RALYL: variants seen among roughly 807,000 people sequenced by gnomAD.
The protein encoded by RALYL is RALY RNA binding protein like, also known as RNA-binding Raly-like protein.
A neutral mutation model predicts 35.1 loss-of-function variants in RALYL; 29 were observed. The ratio of observed to expected loss-of-function variants is 0.83; its 90% CI spans 0.61 to 1.13. RALYL has a LOEUF of 1.13. Ranked by LOEUF, RALYL falls within the 50% of genes most tolerant of loss-of-function variation. The pLI is 0.00. For synonymous variants in RALYL, 120 were observed against 127.6 expected (o/e 0.94, Z 0.40); for missense variants, 359 against 360.4 (o/e 1.00, Z 0.03).
Position 84,227,598 on chromosome 8 carries a change from T to A in RALYL, c.-24+43174T>A, listed in dbSNP as rs73688435. Among the ~76,000 whole-genome samples, 1,131 of 152,290 alleles carry A rather than the reference T, an allele frequency of 7.4e-3. 18 individuals are homozygous for A. Among genetic ancestry groups the A allele is most frequent in the African/African-American group, 0.025 (1,038 of 41,566 alleles). ...CTTCCACTATTAAATTTTTATTTTA[T>A]TTTTAAATTTTGATTTTTTGGCATT... On this transcript the variant is annotated intron_variant, in intron 1 of 8. Coordinates refer to ENST00000521268, the MANE Select transcript of RALYL (RefSeq NM_173848.7).
chr8:84,470,921 C>A (rs1468880976), intron 1 of RALYL, among the ~76,000 whole-genome samples: 1 of 152,106 alleles, frequency 6.6e-6, no homozygotes, highest in Non-Finnish European at 1.5e-5. Context: ...AGGAGCTCAC[C>A]CTCCCTGAAA....
At chr8:84,484,544 A>T (rs1038294925) in intron 1 of RALYL, among the ~76,000 whole-genome samples, 2 of 152,048 alleles carry the variant, frequency 1.3e-5, no homozygotes, top group African/African-American at 4.8e-5. Flanking sequence ...AATGATGAGT[A>T]GTCTAGTGGA....
chr8:84,817,289 T>C (rs10097436), intron 4 of RALYL, among the ~76,000 whole-genome samples: 37,492 of 151,960 alleles, frequency 0.25, 6,764 homozygotes, highest in African/African-American at 0.51. Context: ...TAAACCTTGA[T>C]GTTCTTATTA....
chr8:84,618,271 G>T (rs1311985866), intron 2 of RALYL, among the ~76,000 whole-genome samples: 1 of 151,722 alleles, frequency 6.6e-6, no homozygotes, highest in Non-Finnish European at 1.5e-5. Flanking sequence ...CAATTTCAGA[G>T]TCTGTTATTG....
intron 1 of RALYL, among the ~76,000 whole-genome samples, chr8:84,255,658 T>C (rs1318741321): frequency 6.6e-6 from 1 of 152,114 alleles, no homozygotes; most frequent in Non-Finnish European, 1.5e-5. Context: ...CCTGTTTATC[T>C]TTCTATTCAT....
intron 3 of RALYL, among the ~76,000 whole-genome samples, chr8:84,794,432 T>A (rs1056326074): frequency 3.3e-5 from 5 of 152,314 alleles, no homozygotes; most frequent in African/African-American, 1.2e-4. Context: ...AGCAAGCAAC[T>A]AAGACAATTG....
intron 2 of RALYL, among the ~76,000 whole-genome samples, chr8:84,594,423 G>A (rs1315299985): frequency 6.6e-6 from 1 of 151,840 alleles, no homozygotes; most frequent in Non-Finnish European, 1.5e-5. Flanking sequence ...AACTTTTTAA[G>A]GGCTTATTTT....
chr8:84,658,529 TG>T (rs1253571979), intron 2 of RALYL, among the ~76,000 whole-genome samples: 1 of 152,108 alleles, frequency 6.6e-6, no homozygotes, highest in Non-Finnish European at 1.5e-5. Flanking sequence ...CAGCAGTAAG[TG>T]TGCTGAGGAA....
chr8:84,900,109 CAAAT>C (rs928166218), intron 8 of RALYL, among the ~76,000 whole-genome samples: 2 of 152,004 alleles, frequency 1.3e-5, no homozygotes, highest in African/African-American at 4.8e-5. Context: ...AGCCAAATAA[CAAAT>C]CTAGAGTATA....
chr8:84,524,721 C>G (rs955255439), intron 1 of RALYL, among the ~76,000 whole-genome samples: 1 of 151,984 alleles, frequency 6.6e-6, no homozygotes, highest in Admixed American at 6.6e-5. Context: ...AATTAAAAGG[C>G]TTTATTTATT....
intron 1 of RALYL, among the ~76,000 whole-genome samples, chr8:84,220,418 C>T (rs1821917246): frequency 1.3e-5 from 2 of 151,950 alleles, no homozygotes; most frequent in African/African-American, 2.4e-5. Flanking sequence ...GGTAAACCCA[C>T]AACTGGGAAG....
At chr8:84,788,191 T>C (rs1334189961) in intron 3 of RALYL, among the ~76,000 whole-genome samples, 3 of 152,178 alleles carry the variant, frequency 2.0e-5, no homozygotes, top group Non-Finnish European at 4.4e-5. Flanking sequence ...GAGTCAGTTT[T>C]TGTATAAGGT....
intron 1 of RALYL, among the ~76,000 whole-genome samples, chr8:84,494,453 G>T (rs1415487067): frequency 2.6e-5 from 4 of 152,098 alleles, no homozygotes; most frequent in Admixed American, 6.6e-5. Flanking sequence ...GTTCATGGTA[G>T]TTTGATGGGA....
chr8:84,913,259 G>C (rs1466212002), intron 8 of RALYL, among the ~76,000 whole-genome samples: 1 of 151,972 alleles, frequency 6.6e-6, no homozygotes, highest in Non-Finnish European at 1.5e-5. Context: ...CCAATGAACA[G>C]ATGATGTTAG....
At position 84,859,763 on chromosome 8, in the gene RALYL, T is replaced by C. The variant is rs1056664145; in HGVS notation, c.414-2533T>C. Reference sequence around the variant, plus strand: ...TACTTGGGAGGCTGAGGTGGGAGAATTGCTTGAGCCCAGGAGGCAGAGGTT... The same window carrying C: ...TACTTGGGAGGCTGAGGTGGGAGAACTGCTTGAGCCCAGGAGGCAGAGGTT... On this transcript the variant is annotated intron_variant, in intron 5 of 8. Transcript: ENST00000521268. 4.6e-5 allele frequency among the ~76,000 whole-genome samples: 7 copies of C among 152,124 alleles called. 1 individual carries two copies. The South Asian group carries it at 6.3e-4, about 14-fold the overall frequency.
intron 1 of RALYL, among the ~76,000 whole-genome samples, chr8:84,448,393 C>G (rs1423300155): frequency 1.3e-5 from 2 of 152,010 alleles, no homozygotes; most frequent in Non-Finnish European, 2.9e-5. Flanking sequence ...AACTCATGGA[C>G]AATTTCAATT....
chr8:84,700,206 A>T (rs1839940730), intron 2 of RALYL, among the ~76,000 whole-genome samples: 1 of 152,146 alleles, frequency 6.6e-6, no homozygotes, highest in African/African-American at 2.4e-5. Context: ...AAAAGCAAGA[A>T]TGCTAAAAAA....
rs181831198 is a variant in RALYL, at chr8:84,197,667, G to A, written c.-24+13243G>A. The stretch of plus-strand genomic sequence containing the variant: ...TTTGGGGCCGGGCGCGGTGGCTCAC[G>A]CCTGTAATCCGAGCTCTCAGGGAGG... On this transcript the variant is annotated intron_variant, in intron 1 of 8. Coordinates refer to ENST00000521268, the MANE Select transcript of RALYL (RefSeq NM_173848.7). 4.6e-3 allele frequency among the ~76,000 whole-genome samples: 705 copies of A among 151,742 alleles called. 3 individuals are homozygous for A. The highest frequency in any genetic ancestry group is 0.016 in the African/African-American group (673 of 41,386).
intron 8 of RALYL, among the ~76,000 whole-genome samples, chr8:84,899,932 G>T (rs1489522590): frequency 6.6e-6 from 1 of 152,154 alleles, no homozygotes; most frequent in African/African-American, 2.4e-5. Flanking sequence ...CCAAACTAAA[G>T]TATGCCCAGA....
Sources: gnomAD v4.1 joint callset for allele counts (sites outside exome capture counted in the v4.1 genomes callset) on GRCh38, gnomAD v4.1.1 for gene constraint, MANE v1.5 for transcripts, NCBI Gene and HGNC (gene_info 2026-07-23, HGNC 2026-07-21) for gene names.